The following HECW2 variants were observed in gnomAD, a reference collection of about 807,000 sequenced individuals.
The protein encoded by HECW2 is E3 ubiquitin-protein ligase HECW2.
Under a neutral mutation model 175.2 loss-of-function variants are expected in HECW2, and 61 were observed. The ratio of observed to expected loss-of-function variants is 0.35; its 90% CI spans 0.28 to 0.43. The LOEUF is 0.43. Ranked by LOEUF, HECW2 falls within the 20% of genes least tolerant of loss-of-function variation. The pLI is 1.00. For missense variants in HECW2, 1,524 were observed against 2,000.5 expected, an observed-to-expected ratio of 0.76 and a Z score of 4.54; for synonymous variants, 671 against 731.0, an observed-to-expected ratio of 0.92 and a Z score of 1.32.
intron 17 of HECW2, among the ~76,000 whole-genome samples, chr2:196,270,091 T>C (rs1323544353): frequency 2.0e-5 from 3 of 152,210 alleles, no homozygotes; most frequent in African/African-American, 7.2e-5. Flanking sequence ...GCCAGGATGG[T>C]ACCACCAGGC....
chr2:196,378,725 C>T (rs1238411436), intron 2 of HECW2, among the ~76,000 whole-genome samples: 1 of 152,008 alleles, frequency 6.6e-6, no homozygotes, highest in Non-Finnish European at 1.5e-5. Flanking sequence ...CATAAGAATT[C>T]CAGGAAATAA....
At chr2:196,226,025 T>C (rs964737246) in intron 22 of HECW2, among the ~76,000 whole-genome samples, 155 bp from the exon 23 acceptor site, 1 of 152,208 alleles carries the variant, frequency 6.6e-6, no homozygotes, top group African/African-American at 2.4e-5. Flanking sequence ...CCATGGGCTG[T>C]GTCTTCATCA....
chr2:196,253,691 A>G (rs569752594), intron 19 of HECW2, among the ~76,000 whole-genome samples: 4 of 152,348 alleles, frequency 2.6e-5, no homozygotes, highest in Admixed American at 2.0e-4. Context: ...AGTAAATTCT[A>G]TATCTGAGTA....
chr2:196,588,048 G>A (rs1352838585), intron 1 of HECW2, among the ~76,000 whole-genome samples: 4 of 152,178 alleles, frequency 2.6e-5, no homozygotes, highest in South Asian at 2.1e-4. Flanking sequence ...TTTGCTTAAG[G>A]TCTCTTTCTC....
intron 1 of HECW2, among the ~76,000 whole-genome samples, chr2:196,552,954 C>T (rs1246593549): frequency 3.3e-5 from 5 of 152,206 alleles, no homozygotes; most frequent in African/African-American, 9.7e-5. Flanking sequence ...CTCCATCCCA[C>T]CCGAGGAAAA....
chr2:196,343,073 T>G (rs960835408), intron 3 of HECW2, among the ~76,000 whole-genome samples: 1 of 148,988 alleles, frequency 6.7e-6, no homozygotes, highest in African/African-American at 2.5e-5. Flanking sequence ...TGTATGTTTG[T>G]GTGTGTGTGT....
chr2:196,490,588 C>T (rs1243039170), intron 1 of HECW2, among the ~76,000 whole-genome samples: 2 of 152,160 alleles, frequency 1.3e-5, no homozygotes, highest in African/African-American at 4.8e-5. Context: ...GCCCAGCAAT[C>T]CCACCCCTAG....
chr2:196,590,904 T>A (rs764478826), intron 1 of HECW2, among the ~76,000 whole-genome samples: 3 of 152,226 alleles, frequency 2.0e-5, no homozygotes, highest in Non-Finnish European at 4.4e-5. Flanking sequence ...ATTTTTTGTC[T>A]CCTGTTCAGA....
At chr2:196,274,374 G>A (rs1192277810) in intron 15 of HECW2, among the ~76,000 whole-genome samples, 1 of 152,180 alleles carries the variant, frequency 6.6e-6, no homozygotes. Context: ...TTACCAAGTG[G>A]CACAGAAGTA....
At chr2:196,253,316 C>T (rs186592073) in intron 19 of HECW2, among the ~76,000 whole-genome samples, 56 of 152,302 alleles carry the variant, frequency 3.7e-4, no homozygotes, top group South Asian at 1.9e-3. Context: ...TCATGACTGC[C>T]TTCATTTTCA....
At chr2:196,224,033 A>G (rs1164844151) in intron 23 of HECW2, among the ~76,000 whole-genome samples, 1 of 152,252 alleles carries the variant, frequency 6.6e-6, no homozygotes. Flanking sequence ...TTCTGAGGCC[A>G]CAGTGAGTTC....
At chr2:196,412,837 G>A (rs758563626) in intron 2 of HECW2, among the ~76,000 whole-genome samples, 3 of 152,186 alleles carry the variant, frequency 2.0e-5, no homozygotes, top group Non-Finnish European at 2.9e-5. Flanking sequence ...TACTGCCCAT[G>A]AATCATATGA....
At chr2:196,516,275 G>A (rs1688144927) in intron 1 of HECW2, among the ~76,000 whole-genome samples, 1 of 152,152 alleles carries the variant, frequency 6.6e-6, no homozygotes, top group South Asian at 2.1e-4. Flanking sequence ...TACTAATACA[G>A]ACAGTCTATG....
chr2:196,428,672 T>G (rs1390124465), intron 2 of HECW2, among the ~76,000 whole-genome samples: 7 of 152,210 alleles, frequency 4.6e-5, no homozygotes, highest in Admixed American at 4.6e-4. Context: ...AATTTTTATA[T>G]CAAAATTGTT....
chr2:196,321,717 G>C (rs1029886428), intron 7 of HECW2, among the ~76,000 whole-genome samples: 2 of 152,052 alleles, frequency 1.3e-5, no homozygotes, highest in African/African-American at 2.4e-5. Flanking sequence ...TCTTAATTAA[G>C]GAAAATCATC....
chr2:196,519,366 C>T (rs920001738), intron 1 of HECW2, among the ~76,000 whole-genome samples: 1 of 152,032 alleles, frequency 6.6e-6, no homozygotes, highest in Non-Finnish European at 1.5e-5. Flanking sequence ...ACAAACTGCA[C>T]CAAAAATAAA....
chr2:196,556,686 G>C (rs1689805065), intron 1 of HECW2, among the ~76,000 whole-genome samples: 1 of 152,184 alleles, frequency 6.6e-6, no homozygotes, highest in Non-Finnish European at 1.5e-5. Flanking sequence ...ATGAACATCT[G>C]TGGGATTAAA....
intron 1 of HECW2, among the ~76,000 whole-genome samples, chr2:196,440,835 G>A (rs985077778): frequency 3.3e-5 from 5 of 152,010 alleles, no homozygotes; most frequent in African/African-American, 4.8e-5. Flanking sequence ...TCCCTCCCAG[G>A]GTGAGTCTGT....
chr2:196,411,253 C>A (rs900508621), intron 2 of HECW2, among the ~76,000 whole-genome samples: 7 of 152,188 alleles, frequency 4.6e-5, no homozygotes, highest in African/African-American at 1.7e-4. Context: ...AATCCTCCCA[C>A]CTCCATCTCC....
Sources: allele counts gnomAD v4.1 joint callset (sites outside exome capture counted in the v4.1 genomes callset), GRCh38; gene constraint gnomAD v4.1.1; transcripts MANE v1.5; gene names NCBI Gene and HGNC (gene_info 2026-07-23, HGNC 2026-07-21).